The following CDK14 variants were observed in gnomAD, a reference collection of about 807,000 sequenced individuals.
The protein encoded by CDK14 is cyclin dependent kinase 14, also known as cyclin-dependent kinase 14.
A neutral mutation model predicts 60.7 loss-of-function variants in CDK14; 34 were observed. The observed-to-expected ratio is 0.56, with a 90% CI of 0.43 to 0.75. CDK14 has a LOEUF of 0.75. Ranked by LOEUF, CDK14 falls within the 30% of genes least tolerant of loss-of-function variation. The pLI is 0.00. For synonymous variants in CDK14, 197 were observed against 203.7 expected (o/e 0.97, Z 0.28); for missense variants, 482 against 564.1 (o/e 0.85, Z 1.47).
intron 8 of CDK14, among the ~76,000 whole-genome samples, chr7:90,921,098 A>G (rs977034106): frequency 3.9e-5 from 6 of 152,226 alleles, no homozygotes; most frequent in Non-Finnish European, 7.3e-5. Flanking sequence ...ATAAAATTAT[A>G]TGGAGGCATT....
At chr7:90,776,678 A>G (rs1805059751) in intron 4 of CDK14, among the ~76,000 whole-genome samples, 1 of 152,236 alleles carries the variant, frequency 6.6e-6, no homozygotes, top group African/African-American at 2.4e-5. Context: ...TGTGAATTAA[A>G]TTAACAAATG....
intron 14 of CDK14, among the ~76,000 whole-genome samples, chr7:91,203,742 G>C (rs1419972701): frequency 6.6e-6 from 1 of 152,176 alleles, no homozygotes; most frequent in Non-Finnish European, 1.5e-5. Flanking sequence ...GGACAGTTTT[G>C]TCATCTGCTT....
chr7:91,134,122 T>TG lies in CDK14; in HGVS notation c.*28+15920dup, dbSNP rs937711109. 3.6e-4 allele frequency among the ~76,000 whole-genome samples: 55 copies of TG among 152,158 alleles called. 1 individual carries two copies. The highest frequency in any genetic ancestry group is 1.3e-3 in the African/African-American group (55 of 41,532). On this transcript the variant is annotated intron_variant, in intron 14 of 14. Coordinates refer to ENST00000380050, the MANE Select transcript of CDK14 (RefSeq NM_001287135.2). ...CTTTTCAAAAGGTGAGGGCTTTTTGTGGGGGGAGGGCATTGAGTCTTTTTA... is the reference window on the plus strand; with the variant it reads ...CTTTTCAAAAGGTGAGGGCTTTTTGTGGGGGGGAGGGCATTGAGTCTTTTTA...
intron 14 of CDK14, among the ~76,000 whole-genome samples, chr7:91,202,784 C>A (rs886695756): frequency 1.3e-5 from 2 of 152,124 alleles, no homozygotes; most frequent in African/African-American, 4.8e-5. Flanking sequence ...CTCTCATTGG[C>A]GCCTCTCTTC....
intron 3 of CDK14, among the ~76,000 whole-genome samples, chr7:90,734,456 T>C (rs1023419155): frequency 6.6e-6 from 1 of 152,256 alleles, no homozygotes; most frequent in Non-Finnish European, 1.5e-5. Context: ...CAGTCAAATA[T>C]AGATTTTGTC....
At chr7:91,035,358 CT>C (rs1420097560) in intron 10 of CDK14, among the ~76,000 whole-genome samples, 3 of 152,188 alleles carry the variant, frequency 2.0e-5, no homozygotes, top group Admixed American at 6.5e-5. Flanking sequence ...CATAAAGGTG[CT>C]GATTCCATTT....
intron 8 of CDK14, among the ~76,000 whole-genome samples, chr7:90,930,760 T>A (rs1309491092): frequency 6.6e-6 from 1 of 152,188 alleles, no homozygotes; most frequent in African/African-American, 2.4e-5. Context: ...TATGAAGTGC[T>A]TCATAGCTCT....
intron 14 of CDK14, among the ~76,000 whole-genome samples, chr7:91,179,663 C>G (rs1471687986): frequency 6.6e-6 from 1 of 151,948 alleles, no homozygotes; most frequent in East Asian, 1.9e-4. Context: ...ATTAGCCGGG[C>G]GTGGTGGCGG....
intron 6 of CDK14, among the ~76,000 whole-genome samples, chr7:90,879,966 A>C (rs1791692177): frequency 1.3e-5 from 2 of 152,226 alleles, no homozygotes; most frequent in Non-Finnish European, 2.9e-5. Context: ...GCAACCCACC[A>C]ATCGGAAGAT....
At chr7:90,894,648 T>C (rs1444978849) in intron 6 of CDK14, among the ~76,000 whole-genome samples, 1 of 152,200 alleles carries the variant, frequency 6.6e-6, no homozygotes, top group African/African-American at 2.4e-5. Flanking sequence ...ACTTTATTCT[T>C]AGAAAAGTTT....
Position 91,046,095 on chromosome 7 carries a change from G to A in CDK14, c.1105+135G>A, listed in dbSNP as rs188834752. 2.8e-5 allele frequency: 17 copies of A among 609,674 alleles called. No homozygotes were observed. The East Asian group carries it at 4.5e-4, about 16-fold the overall frequency. 37.8% of individuals were successfully genotyped at this position (609,674 alleles called of 1,614,324 possible). On this transcript the variant is annotated intron_variant, in intron 11 of 14. Coordinates refer to ENST00000380050, the MANE Select transcript of CDK14 (RefSeq NM_001287135.2). ...GCCATTGTGTACTTTGTCTATTAAT[G>A]GAATTGTCCTTTTATTTTCACAAAT...
At chr7:91,052,058 A>G (rs1463797069) in intron 11 of CDK14, among the ~76,000 whole-genome samples, 1 of 152,232 alleles carries the variant, frequency 6.6e-6, no homozygotes, top group Admixed American at 6.5e-5. Flanking sequence ...AGAGTAATGG[A>G]TGAAGAGTTC....
At chr7:91,183,952 T>C (rs536371129) in intron 14 of CDK14, among the ~76,000 whole-genome samples, 4 of 152,268 alleles carry the variant, frequency 2.6e-5, no homozygotes. Flanking sequence ...CACAGCACTT[T>C]GGGAGGCCAA....
At chr7:90,919,177 AATG>A (rs1793169439) in intron 8 of CDK14, among the ~76,000 whole-genome samples, 2 of 152,170 alleles carry the variant, frequency 1.3e-5, no homozygotes, top group Admixed American at 6.5e-5. Flanking sequence ...AAGGATTTAT[AATG>A]ATTTTCTTAT....
intron 6 of CDK14, among the ~76,000 whole-genome samples, chr7:90,864,714 T>C (rs191031694): frequency 4.6e-5 from 7 of 152,292 alleles, no homozygotes; most frequent in Admixed American, 3.9e-4. Context: ...TCAAGTGTCA[T>C]TTGACGATTT....
intron 12 of CDK14, among the ~76,000 whole-genome samples, chr7:91,094,440 A>G (rs536331220): frequency 1.3e-5 from 2 of 152,286 alleles, no homozygotes; most frequent in Non-Finnish European, 2.9e-5. Context: ...ATAGTGCAGT[A>G]TGAAGTATCA....
chr7:90,707,272 A>G (rs1355282587), intron 2 of CDK14, among the ~76,000 whole-genome samples: 3 of 152,098 alleles, frequency 2.0e-5, no homozygotes, highest in Admixed American at 6.5e-5. Flanking sequence ...ACCTAGTTAT[A>G]CTAGAGAATT....
At chr7:91,008,203 A>G (rs10274276) in intron 10 of CDK14, among the ~76,000 whole-genome samples, 27,766 of 150,550 alleles carry the variant, frequency 0.18, 2,719 homozygotes, top group Middle Eastern at 0.29. Context: ...ATTCCACTCA[A>G]GAATTTGTTG....
At chr7:91,058,313 C>T (rs866562115) in intron 11 of CDK14, among the ~76,000 whole-genome samples, 32 of 152,178 alleles carry the variant, frequency 2.1e-4, no homozygotes, top group Middle Eastern at 3.5e-3. Flanking sequence ...TGGGCTGAGA[C>T]GATGGGGTTT....
Sources: allele counts gnomAD v4.1 joint callset (sites outside exome capture counted in the v4.1 genomes callset), GRCh38; gene constraint gnomAD v4.1.1; transcripts MANE v1.5; gene names NCBI Gene and HGNC (gene_info 2026-07-23, HGNC 2026-07-21).